Variants in OCLN observed in about 807,000 individuals in gnomAD.
OCLN encodes the protein phosphatase 1, regulatory subunit 115.
In OCLN, 21 loss-of-function variants were observed where a neutral mutation model predicts 47.9. That is an observed-to-expected ratio of 0.44 (90% CI 0.31 to 0.63). The LOEUF is 0.63. Ranked by LOEUF, OCLN falls within the 30% of genes least tolerant of loss-of-function variation. The pLI, the probability that OCLN is intolerant of heterozygous loss-of-function variation, is 0.08. For missense variants in OCLN, 360 were observed against 571.0 expected (o/e 0.63, Z 3.77); for synonymous variants, 117 against 198.4 (o/e 0.59, Z 3.45).
chr5:69,510,572 A>T (rs560716949), intron 3 of OCLN, among the ~76,000 whole-genome samples: 177 of 152,124 alleles, frequency 1.2e-3, no homozygotes, highest in African/African-American at 4.2e-3. Flanking sequence ...AGTCCCAGCT[A>T]CTCGGGAGGC....
chr5:69,533,593 G>A (rs28612873), intron 4 of OCLN, among the ~76,000 whole-genome samples: 132,420 of 152,224 alleles, frequency 0.87, 57,800 homozygotes, highest in African/African-American at 0.9. Flanking sequence ...GGGCCTGATA[G>A]CTTTTAAGAA....
At chr5:69,515,563 G>A (rs1768926138) in intron 4 of OCLN, among the ~76,000 whole-genome samples, 4 of 146,708 alleles carry the variant, frequency 2.7e-5, no homozygotes, top group South Asian at 2.2e-4. Context: ...CCTCCCGGAC[G>A]GGGCGGCTGG....
At chr5:69,513,770 G>A (rs1422145923) in intron 3 of OCLN, among the ~76,000 whole-genome samples, 178 bp from the exon 4 acceptor site, 1 of 152,232 alleles carries the variant, frequency 6.6e-6, no homozygotes, top group Non-Finnish European at 1.5e-5. Flanking sequence ...CCCAGTTAGT[G>A]TGGGTTAGGT....
chr5:69,496,311 G>C (rs1768288140), intron 1 of OCLN, among the ~76,000 whole-genome samples: 1 of 151,952 alleles, frequency 6.6e-6, no homozygotes, highest in African/African-American at 2.4e-5. Context: ...TGTTAGCGGG[G>C]ATGGTCTCGA....
intron 1 of OCLN, among the ~76,000 whole-genome samples, chr5:69,496,102 CTTT>C (rs375038844): frequency 4.2e-5 from 6 of 143,192 alleles, no homozygotes; most frequent in Admixed American, 7.1e-5. Context: ...ACAACTTAAA[CTTT>C]TTTTTTTTTT....
chr5:69,495,454 C>G (rs1359404105), intron 1 of OCLN, among the ~76,000 whole-genome samples: 1 of 152,168 alleles, frequency 6.6e-6, no homozygotes, highest in Non-Finnish European at 1.5e-5. Context: ...TTCTCCCTTT[C>G]TCTTAGACTC....
intron 7 of OCLN, among the ~76,000 whole-genome samples, chr5:69,550,550 T>TGAA (rs1769840269): frequency 6.9e-6 from 1 of 145,898 alleles, no homozygotes; most frequent in South Asian, 2.2e-4. Flanking sequence ...AGAGGGTACG[T>TGAA]ACCTTTGCAA....
intron 4 of OCLN, among the ~76,000 whole-genome samples, chr5:69,515,280 G>T (rs1261308746): frequency 2.8e-5 from 4 of 141,468 alleles, no homozygotes; most frequent in Non-Finnish European, 4.7e-5. Flanking sequence ...CGGGCGGGGG[G>T]CTGACCCCCC....
chr5:69,509,727 T>C lies in OCLN; in HGVS notation c.637T>C (p.Tyr213His), dbSNP rs1368044140. The C allele has an allele frequency of 2.5e-6, 4 of 1,614,014 alleles. No individual in the cohort carries two copies. Among genetic ancestry groups the C allele is most frequent in the South Asian group, 1.1e-5 (1 of 91,084 alleles). The change falls in exon 3 of 9, where the codon TAT becomes CAT. Residue 213 changes from tyrosine (Y) to histidine (H), a missense_variant. By Grantham distance (83) the Tyr-to-His change is moderately conservative (BLOSUM62 2). Transcript: ENST00000396442. Reference protein sequence around the residue: ...SSGSLYGSQIYALCNQFYTPA... With the variant: ...SSGSLYGSQIHALCNQFYTPA... The stretch of plus-strand genomic sequence containing the variant: ...TGGATCTCTATATGGTTCACAAATA[T>C]ATGCCCTCTGCAACCAATTTTATAC...
intron 1 of OCLN, among the ~76,000 whole-genome samples, chr5:69,497,385 A>ATTTTTTTTTTT (rs373562576): frequency 8.6e-6 from 1 of 116,316 alleles, no homozygotes; most frequent in Non-Finnish European, 1.7e-5. Flanking sequence ...GTTTTTCTAG[A>ATTTTTTTTTTT]TTTTTTTTTT....
chr5:69,526,265 C>A (rs186282334), intron 4 of OCLN, among the ~76,000 whole-genome samples: 23 of 152,260 alleles, frequency 1.5e-4, no homozygotes, highest in African/African-American at 5.5e-4. Flanking sequence ...TTTATAGATT[C>A]AAGCTGCAAC....
chr5:69,515,270 CG>C (rs1203441671), intron 4 of OCLN, among the ~76,000 whole-genome samples: 1 of 131,774 alleles, frequency 7.6e-6, no homozygotes, highest in Admixed American at 7.4e-5. Flanking sequence ...GGCGGCTGGC[CG>C]GGCGGGGGGC....
intron 2 of OCLN, among the ~76,000 whole-genome samples, chr5:69,506,386 G>T (rs1043995015): frequency 6.6e-6 from 1 of 152,170 alleles, no homozygotes; most frequent in South Asian, 2.1e-4. Flanking sequence ...AGCCCTCCCT[G>T]GTTGTGCCAC....
intron 4 of OCLN, among the ~76,000 whole-genome samples, chr5:69,527,127 A>G (rs2112038288): frequency 6.6e-6 from 1 of 152,262 alleles, no homozygotes; most frequent in East Asian, 1.9e-4. Flanking sequence ...AAATATAAAA[A>G]TTAGCTGGGT....
Position 69,549,097 on chromosome 5 carries a change from G to A in OCLN, c.1425+996G>A, listed in dbSNP as rs1483858408. Among the ~76,000 whole-genome samples, 3 of 149,884 alleles carry A rather than the reference G, an allele frequency of 2.0e-5. 1 individual carries two copies. The highest frequency in any genetic ancestry group is 3.0e-5 in the Non-Finnish European group (2 of 67,390). On this transcript the variant is annotated intron_variant, in intron 7 of 8. Transcript: ENST00000396442. ...TGTAATCCCAGCACTTTGGGAGGCC[G>A]AGGTGGGCGGATCATGAGGTCAGGA...
At chr5:69,516,389 C>A (rs917086055) in intron 4 of OCLN, among the ~76,000 whole-genome samples, 4 of 152,074 alleles carry the variant, frequency 2.6e-5, no homozygotes, top group Non-Finnish European at 5.9e-5. Context: ...CGCAGGCACT[C>A]GGCAGGCTGA....
At chr5:69,516,263 G>T (rs1212097363) in intron 4 of OCLN, among the ~76,000 whole-genome samples, 1 of 152,274 alleles carries the variant, frequency 6.6e-6, no homozygotes, top group Non-Finnish European at 1.5e-5. Context: ...GGGAGGCCGA[G>T]GCTGGCGGAT....
chr5:69,528,904 T>C (rs529630640), intron 4 of OCLN, among the ~76,000 whole-genome samples: 33 of 152,200 alleles, frequency 2.2e-4, no homozygotes, highest in African/African-American at 7.7e-4. Context: ...CTCCCATGTG[T>C]GAACTAGGGA....
In OCLN at chr5:69,555,646, T is replaced by C. The variant is rs1165254467; in HGVS notation, c.*1975T>C. The C allele has an allele frequency of 1.3e-5, 2 of 152,112 alleles. No homozygotes were observed. Among genetic ancestry groups the C allele is most frequent in the Admixed American group, 1.3e-4 (2 of 15,264 alleles). The allele number at this position is 152,112 out of a possible 1,614,324, so 9.4% of individuals were successfully genotyped here. A position where few individuals can be genotyped will look rare whatever the true frequency, so the allele number is the denominator to read the frequency against. On this transcript the variant is annotated 3_prime_UTR_variant, in exon 9 of 9. Transcript: ENST00000396442. The stretch of plus-strand genomic sequence containing the variant: ...TGTTTCCATTATATCACTGATTTAT[T>C]TCTGCAAATTGAATAAATTCTTAAT...
Sources: allele counts gnomAD v4.1 joint callset (sites outside exome capture counted in the v4.1 genomes callset), GRCh38; gene constraint gnomAD v4.1.1; transcripts MANE v1.5; gene names NCBI Gene and HGNC (gene_info 2026-07-23, HGNC 2026-07-21).